Variants in KLHL29 observed in about 807,000 individuals in gnomAD.
KLHL29 encodes kelch-like protein 29.
A neutral mutation model predicts 80.4 loss-of-function variants in KLHL29; 21 were observed. That is an observed-to-expected ratio of 0.26 (90% confidence interval 0.19 to 0.38). The LOEUF is 0.38. Ranked by LOEUF, KLHL29 falls within the 10% of genes least tolerant of loss-of-function variation. KLHL29 has a pLI of 1.00. For synonymous variants in KLHL29, 511 were observed against 526.8 expected (o/e 0.97, Z 0.41); for missense variants, 867 against 1,223.9 (o/e 0.71, Z 4.35).
chr2:23,562,786 G>A lies in KLHL29; in HGVS notation c.285+305G>A, dbSNP rs1477248184. On this transcript the variant is annotated intron_variant, in intron 3 of 13. Coordinates refer to ENST00000486442, the MANE Select transcript of KLHL29 (RefSeq NM_052920.2). This position sits in a 1 kb window ranked among gnomAD's most constrained non-coding sequence, Gnocchi z 4.5. ...GAGTGAAGTAACAGTGGACCTCCAA[G>A]ATGGCAATATGGGGTTCCTAAATAG... Among the ~76,000 whole-genome samples, 2 of 152,200 alleles carry A rather than the reference G, an allele frequency of 1.3e-5. No individual in the cohort carries two copies. The highest frequency in any genetic ancestry group is 4.8e-5 in the African/African-American group (2 of 41,448).
At chr2:23,591,238 A>G (rs562240580) in intron 3 of KLHL29, among the ~76,000 whole-genome samples, 7 of 152,232 alleles carry the variant, frequency 4.6e-5, no homozygotes, top group Middle Eastern at 3.4e-3. Context: ...AACAGACAAG[A>G]GGCCGGTGCC....
At position 23,684,015 on chromosome 2, in the gene KLHL29, T is replaced by C. The variant is rs950008418; in HGVS notation, c.941-384T>C. 6.6e-5 allele frequency among the ~76,000 whole-genome samples: 10 copies of C among 152,202 alleles called. No homozygotes were observed. Among genetic ancestry groups the C allele is most frequent in the Non-Finnish European group, 1.2e-4 (8 of 68,030 alleles). On this transcript the variant is annotated intron_variant, in intron 5 of 13. Coordinates refer to ENST00000486442, the MANE Select transcript of KLHL29 (RefSeq NM_052920.2). The surrounding 1 kb of genome is among the most constrained non-coding windows in gnomAD (Gnocchi z 4.4). ...TTGGTCTCCAATACATCGGCACCCATTGGCATTTGGAGAACTTGCTCCGTA... is the reference window on the plus strand; with the variant it reads ...TTGGTCTCCAATACATCGGCACCCACTGGCATTTGGAGAACTTGCTCCGTA...
chr2:23,606,185 A>AGG (rs66913826), intron 3 of KLHL29, among the ~76,000 whole-genome samples: 54,468 of 110,390 alleles, frequency 0.49, 10,500 homozygotes, highest in East Asian at 0.73. Flanking sequence ...AGAGAGAGAG[A>AGG]GAGGGAGAGA....
chr2:23,598,516 C>T (rs1668485895), intron 3 of KLHL29, among the ~76,000 whole-genome samples: 1 of 152,246 alleles, frequency 6.6e-6, no homozygotes, highest in Non-Finnish European at 1.5e-5. Flanking sequence ...CCCTGGTGCA[C>T]AGTGCCTGCT....
chr2:23,639,419 C>A, intron 4 of KLHL29, 139 bp downstream of exon 4: 3 of 771,856 alleles, frequency 3.9e-6, no homozygotes, highest in East Asian at 2.9e-5. Context: ...GTTCAGGGGG[C>A]AAAGGCACTG....
chr2:23,626,584 C>T (rs963313210), intron 3 of KLHL29, among the ~76,000 whole-genome samples: 1 of 152,250 alleles, frequency 6.6e-6, no homozygotes, highest in Non-Finnish European at 1.5e-5. Flanking sequence ...GACTCTCCCA[C>T]TAGCCTGTGC....
intron 3 of KLHL29, among the ~76,000 whole-genome samples, chr2:23,571,245 G>A (rs1278406733): frequency 6.6e-6 from 1 of 152,224 alleles, no homozygotes; most frequent in Non-Finnish European, 1.5e-5. Context: ...CAGACTGGAG[G>A]ATGGCGGGGA....
Position 23,696,730 on chromosome 2 carries a change from C to T in KLHL29, c.2105+217C>T, listed in dbSNP as rs1572520611. On this transcript the variant is annotated intron_variant, in intron 11 of 13. Transcript: ENST00000486442. The surrounding 1 kb of genome is among the most constrained non-coding windows in gnomAD (Gnocchi z 5.5). ...ATGACATCTGTGTCACCTTTGCAGTCGCTGAGATGGGAGATGGGGCGCTTC... is the reference window on the plus strand; with the variant it reads ...ATGACATCTGTGTCACCTTTGCAGTTGCTGAGATGGGAGATGGGGCGCTTC... 7 of 484,722 alleles carry T rather than the reference C, an allele frequency of 1.4e-5. No individual in the cohort carries two copies. Among genetic ancestry groups the T allele is most frequent in the East Asian group, 3.8e-5 (1 of 26,642 alleles). 30.0% of individuals were successfully genotyped at this position (484,722 alleles called of 1,614,324 possible).
At position 23,385,651 on chromosome 2, in the gene KLHL29, C is replaced by T; in HGVS notation, c.-283C>T. The T allele has an allele frequency of 6.0e-6, 1 of 166,134 alleles. No individual in the cohort carries two copies. The highest frequency in any genetic ancestry group is 2.0e-4 in the South Asian group (1 of 5,068). The allele number at this position is 166,134 out of a possible 1,614,324, so 10.3% of individuals were successfully genotyped here. On this transcript the variant is annotated 5_prime_UTR_variant, in exon 1 of 14. Coordinates refer to ENST00000486442, the MANE Select transcript of KLHL29 (RefSeq NM_052920.2). ...GAGGAGGACCTGGATCCGTTTCCTC[C>T]GGCCAGGACCCGAGCGGCCCCAGCC...
intron 2 of KLHL29, among the ~76,000 whole-genome samples, chr2:23,549,460 CTT>C (rs879910465): frequency 6.9e-6 from 1 of 145,580 alleles, no homozygotes; most frequent in Non-Finnish European, 1.5e-5. Context: ...GTCTGGGCTT[CTT>C]TTTTTTTTTT....
At position 23,684,662 on chromosome 2, in the gene KLHL29, T is replaced by TCTCCTCCTC. The variant is rs66787697; in HGVS notation, c.1079+142_1079+150dup. The TCTCCTCCTC allele has an allele frequency of 3.6e-6, 2 of 553,994 alleles. No individual in the cohort carries two copies. Among genetic ancestry groups the TCTCCTCCTC allele is most frequent in the Admixed American group, 7.3e-5 (2 of 27,318 alleles). The allele number at this position is 553,994 out of a possible 1,614,324, so 34.3% of individuals were successfully genotyped here. On this transcript the variant is annotated intron_variant, in intron 6 of 13. Transcript: ENST00000486442. This position sits in a 1 kb window ranked among gnomAD's most constrained non-coding sequence, Gnocchi z 4.4. The stretch of plus-strand genomic sequence containing the variant: ...CCCTGTCACAGAGCCAGTAGCCATC[T>TCTCCTCCTC]CTCCTCCTCCTCCTCCTCCTCCTCC...
chr2:23,506,014 C>T (rs1352321294), intron 2 of KLHL29, among the ~76,000 whole-genome samples: 3 of 152,228 alleles, frequency 2.0e-5, no homozygotes, highest in Non-Finnish European at 4.4e-5. Context: ...CAGAGCCCGA[C>T]CACGAGGACC....
rs1263769816 is a variant in KLHL29, at chr2:23,706,938, T to C, written c.*274T>C. 8.9e-6 allele frequency: 3 copies of C among 336,222 alleles called. No individual in the cohort carries two copies. Among genetic ancestry groups the C allele is most frequent in the Admixed American group, 4.9e-5 (1 of 20,320 alleles). 20.8% of individuals were successfully genotyped at this position (336,222 alleles called of 1,614,324 possible). ...GGGGCGCTCGCTCTGCCAGGTGCAA[T>C]AGAGTTTCACGTATTTTTCAACTGG... is the stretch of plus-strand genomic sequence containing the variant. On this transcript the variant is annotated 3_prime_UTR_variant, in exon 14 of 14. Transcript: ENST00000486442.
At chr2:23,458,609 C>T (rs906493722) in intron 1 of KLHL29, among the ~76,000 whole-genome samples, 2 of 152,188 alleles carry the variant, frequency 1.3e-5, no homozygotes, top group African/African-American at 4.8e-5. Context: ...GCTCTACAGC[C>T]AGGATGGTAT....
chr2:23,636,579 G>A (rs528065), intron 3 of KLHL29, among the ~76,000 whole-genome samples: 60,364 of 151,912 alleles, frequency 0.4, 13,014 homozygotes, highest in East Asian at 0.74. Flanking sequence ...TCTTTCCCTC[G>A]AGCTGTTCAT....
At chr2:23,404,959 A>G (rs1377887547) in intron 1 of KLHL29, among the ~76,000 whole-genome samples, 1 of 152,224 alleles carries the variant, frequency 6.6e-6, no homozygotes, top group Non-Finnish European at 1.5e-5. Context: ...TATGTTACAC[A>G]TATTTGTTGA....
intron 1 of KLHL29, among the ~76,000 whole-genome samples, chr2:23,395,685 C>T (rs1666435194): frequency 6.6e-6 from 1 of 151,324 alleles, no homozygotes; most frequent in Non-Finnish European, 1.5e-5. Flanking sequence ...GCAGAGGTTG[C>T]AGTGAGCTGA....
At chr2:23,540,261 A>G (rs1397583112) in intron 2 of KLHL29, among the ~76,000 whole-genome samples, 2 of 152,212 alleles carry the variant, frequency 1.3e-5, no homozygotes, top group African/African-American at 2.4e-5. Context: ...GCACTGTCCA[A>G]TACAGTAGCC....
intron 2 of KLHL29, among the ~76,000 whole-genome samples, chr2:23,526,294 G>C (rs934422502): frequency 5.3e-5 from 8 of 152,148 alleles, no homozygotes; most frequent in South Asian, 2.1e-4. Context: ...CACAGGGGAG[G>C]GGAAACCAGA....
Sources: allele counts gnomAD v4.1 joint callset (sites outside exome capture counted in the v4.1 genomes callset), GRCh38; gene constraint gnomAD v4.1.1; non-coding constraint Gnocchi (gnomAD v3.1); transcripts MANE v1.5; gene names NCBI Gene and HGNC (gene_info 2026-07-23, HGNC 2026-07-21).